The following CSMD1 variants were observed in gnomAD, a reference collection of about 807,000 sequenced individuals.
The protein encoded by CSMD1 is CUB and sushi domain-containing protein 1.
Under a neutral mutation model 417.5 loss-of-function variants are expected in CSMD1, and 213 were observed. The ratio of observed to expected loss-of-function variants is 0.51; its 90% confidence interval spans 0.46 to 0.57. CSMD1 has a LOEUF of 0.57. Ranked by LOEUF, CSMD1 falls within the 20% of genes least tolerant of loss-of-function variation. CSMD1 has a pLI of 0.00. For synonymous variants in CSMD1, 2,862 were observed against 1,736.8 expected (o/e 1.65, Z -16.11); for missense variants, 6,923 against 4,529.7 (o/e 1.53, Z -15.17).
chr8:3,964,969 G>C (rs1331860625), intron 5 of CSMD1, among the ~76,000 whole-genome samples: 2 of 152,154 alleles, frequency 1.3e-5, no homozygotes, highest in Non-Finnish European at 1.5e-5. Context: ...AATTCTTGGA[G>C]AGTCACAGCA....
At chr8:3,293,499 A>G (rs1158087068) in intron 25 of CSMD1, among the ~76,000 whole-genome samples, 4 of 152,078 alleles carry the variant, frequency 2.6e-5, no homozygotes, top group Non-Finnish European at 4.4e-5. Flanking sequence ...ACATAGTCCC[A>G]TATTTCTTGG....
intron 3 of CSMD1, among the ~76,000 whole-genome samples, chr8:4,081,643 A>C (rs1563099037): frequency 1.3e-5 from 2 of 152,224 alleles, no homozygotes; most frequent in Admixed American, 1.3e-4. Flanking sequence ...TATGGACTAA[A>C]ATAGATACTA....
chr8:3,934,390 G>C (rs751763036), intron 5 of CSMD1, among the ~76,000 whole-genome samples: 39 of 152,226 alleles, frequency 2.6e-4, no homozygotes, highest in Non-Finnish European at 4.1e-4. Context: ...TTTTCATCTT[G>C]TATTCATTGA....
chr8:4,480,729 A>G (rs1335795095), intron 2 of CSMD1, among the ~76,000 whole-genome samples: 1 of 152,154 alleles, frequency 6.6e-6, no homozygotes, highest in Non-Finnish European at 1.5e-5. Context: ...TATAGAATCC[A>G]CTTTTTTGAG....
intron 69 of CSMD1, among the ~76,000 whole-genome samples, chr8:2,940,369 A>G (rs572077337): frequency 5.3e-4 from 80 of 152,316 alleles, no homozygotes; most frequent in African/African-American, 1.9e-3. Context: ...GTGAGAGGGA[A>G]CAGCTTCCTT....
chr8:3,865,913 CATTA>C (rs911669812), intron 5 of CSMD1, among the ~76,000 whole-genome samples: 29 of 152,146 alleles, frequency 1.9e-4, no homozygotes, highest in African/African-American at 7.0e-4. Context: ...GTCAAAACCA[CATTA>C]ATTAACTCCT....
intron 1 of CSMD1, among the ~76,000 whole-genome samples, chr8:4,879,972 T>A (rs76413239): frequency 3.3e-5 from 5 of 152,044 alleles, no homozygotes; most frequent in African/African-American, 9.7e-5. Context: ...ATTCCCTTTG[T>A]TGTAAAAGCA....
rs118130024 is a variant in CSMD1, at chr8:4,860,864, T to C, written c.85+133468A>G. Among the ~76,000 whole-genome samples the C allele has an allele frequency of 2.2e-3, 336 of 152,216 alleles. 13 individuals are homozygous for C. The South Asian group carries it at 0.037, about 17-fold the overall frequency. On this transcript the variant is annotated intron_variant, in intron 1 of 69. Coordinates refer to ENST00000635120, the MANE Select transcript of CSMD1 (RefSeq NM_033225.6). ...TTATTTCTGCGTAAAAACGTTCACA[T>C]CCCTGCTTCTCCTGCTAGAGAAACC...
chr8:4,863,180 C>G (rs1186880458), intron 1 of CSMD1, among the ~76,000 whole-genome samples: 1 of 152,080 alleles, frequency 6.6e-6, no homozygotes, highest in East Asian at 1.9e-4. Context: ...CAAGGTGCTT[C>G]ATTTCTCTTC....
At chr8:4,140,862 G>A (rs1464778518) in intron 3 of CSMD1, among the ~76,000 whole-genome samples, 2 of 150,930 alleles carry the variant, frequency 1.3e-5, no homozygotes, top group Admixed American at 6.6e-5. Context: ...TGCCCAAGAG[G>A]GCATTTGGGA....
chr8:3,493,938 C>T lies in CSMD1; in HGVS notation c.1345-212G>A, dbSNP rs561043456. 4.6e-5 allele frequency among the ~76,000 whole-genome samples: 7 copies of T among 152,294 alleles called. No homozygotes were observed. In the East Asian group the frequency reaches 9.6e-4, roughly 21 times the overall value. ...TTTATGAAATTCAGAATTGCTATTA[C>T]TCCCAACTTATGTATTTTCACCTCT... On this transcript the variant is annotated intron_variant, in intron 10 of 69. Transcript: ENST00000635120.
intron 1 of CSMD1, among the ~76,000 whole-genome samples, chr8:4,809,193 G>A (rs749529658): frequency 2.0e-5 from 3 of 152,164 alleles, no homozygotes; most frequent in Non-Finnish European, 2.9e-5. Flanking sequence ...GATATCATCT[G>A]AATTCACTGA....
intron 4 of CSMD1, among the ~76,000 whole-genome samples, chr8:4,010,302 G>A (rs909675772): frequency 2.6e-5 from 4 of 151,828 alleles, no homozygotes; most frequent in Non-Finnish European, 5.9e-5. Flanking sequence ...TAATAATCTG[G>A]CACCCTCTGC....
intron 2 of CSMD1, among the ~76,000 whole-genome samples, chr8:4,555,954 G>A (rs915140754): frequency 2.0e-5 from 3 of 151,978 alleles, no homozygotes; most frequent in Admixed American, 2.0e-4. Flanking sequence ...TTTAGGAAGT[G>A]AATTTCTTTT....
At chr8:3,680,249 C>G (rs1023475757) in intron 7 of CSMD1, among the ~76,000 whole-genome samples, 1 of 152,098 alleles carries the variant, frequency 6.6e-6, no homozygotes, top group African/African-American at 2.4e-5. Flanking sequence ...AATCCAGGAG[C>G]TGGTTTTTTG....
intron 5 of CSMD1, among the ~76,000 whole-genome samples, chr8:3,939,043 G>C (rs1335031621): frequency 6.6e-6 from 1 of 152,006 alleles, no homozygotes; most frequent in African/African-American, 2.4e-5. Context: ...TTCCATCATA[G>C]TAATTATTGA....
intron 3 of CSMD1, among the ~76,000 whole-genome samples, chr8:4,417,771 C>G (rs1235908942): frequency 6.6e-6 from 1 of 152,056 alleles, no homozygotes; most frequent in South Asian, 2.1e-4. Flanking sequence ...TAATTATTAT[C>G]ATTAATTCTA....
intron 54 of CSMD1, among the ~76,000 whole-genome samples, chr8:2,992,471 TG>T (rs1806481496): frequency 6.6e-6 from 1 of 152,094 alleles, no homozygotes; most frequent in African/African-American, 2.4e-5. Context: ...TCAGTCAGGC[TG>T]GAGTGCAGTG....
At chr8:3,119,248 ACC>A (rs1491108211) in intron 41 of CSMD1, among the ~76,000 whole-genome samples, 10,147 of 152,062 alleles carry the variant, frequency 0.067, 655 homozygotes, top group East Asian at 0.38. Flanking sequence ...GTGAACATAT[ACC>A]TAATAATTCC....
Sources: allele counts gnomAD v4.1 joint callset (sites outside exome capture counted in the v4.1 genomes callset), GRCh38; gene constraint gnomAD v4.1.1; transcripts MANE v1.5; gene names NCBI Gene and HGNC (gene_info 2026-07-23, HGNC 2026-07-21).